The following XRCC6 variants were observed in gnomAD, a reference collection of about 807,000 sequenced individuals.
XRCC6 encodes DNA repair protein Ku70.
Under a neutral mutation model 65.7 loss-of-function variants are expected in XRCC6, and 5 were observed. The ratio of observed to expected loss-of-function variants is 0.08; its 90% CI spans 0.04 to 0.16. The LOEUF (loss-of-function observed/expected upper bound fraction) is 0.16. XRCC6 is among the 10% of genes least tolerant of loss of function. XRCC6 has a pLI of 1.00. For missense variants in XRCC6, 447 were observed against 738.1 expected, an observed-to-expected ratio of 0.61 and a Z score of 4.57; for synonymous variants, 270 against 270.6, an observed-to-expected ratio of 1.00 and a Z score of 0.02.
intron 1 of XRCC6, 116 bp from the exon 2 acceptor site, chr22:41,621,874 C>A: frequency 1.1e-6 from 1 of 952,086 alleles, no homozygotes; most frequent in Non-Finnish European, 1.6e-6. Flanking sequence ...GCAGGATTTA[C>A]CGTCCACATT....
chr22:41,621,534 G>T (rs2067604146), intron 1 of XRCC6, 189 bp downstream of exon 1: 1 of 167,298 alleles, frequency 6.0e-6, no homozygotes, highest in Non-Finnish European at 1.3e-5. Context: ...GGCACCTCGC[G>T]TTTGAGGCCC....
At position 41,658,369 on chromosome 22, in the gene XRCC6, G is replaced by A. The variant is rs200180852; in HGVS notation, c.1522+17G>A. The A allele has an allele frequency of 2.5e-6, 4 of 1,612,312 alleles. No homozygotes were observed. Among genetic ancestry groups the A allele is most frequent in the Non-Finnish European group, 3.4e-6 (4 of 1,178,452 alleles). Reference sequence around the variant, plus strand: ...ACCTGACATGTAAGGAGGTTGAATAGAGTAGTTCTTTTCATGGGAGGCTTT... The same window carrying A: ...ACCTGACATGTAAGGAGGTTGAATAAAGTAGTTCTTTTCATGGGAGGCTTT... On this transcript the variant is annotated intron_variant, in intron 11 of 12. Coordinates refer to ENST00000360079, the MANE Select transcript of XRCC6 (RefSeq NM_001469.5).
At chr22:41,642,577 A>G (rs1217513927) in intron 6 of XRCC6, among the ~76,000 whole-genome samples, 2 of 152,130 alleles carry the variant, frequency 1.3e-5, no homozygotes, top group African/African-American at 2.4e-5. Flanking sequence ...TTCCACATAC[A>G]TTTTAGGATT....
intron 6 of XRCC6, 43 bp downstream of exon 6, chr22:41,637,834 T>TC: frequency 6.3e-7 from 1 of 1,585,674 alleles, no homozygotes. Context: ...TGCCCTTAAA[T>TC]CAGAAGCAGG....
intron 7 of XRCC6, among the ~76,000 whole-genome samples, chr22:41,647,743 T>C (rs905396488): frequency 2.0e-5 from 3 of 152,080 alleles, no homozygotes; most frequent in East Asian, 1.9e-4. Context: ...CGTTTTGTTT[T>C]GTTTTGTTTA....
intron 7 of XRCC6, among the ~76,000 whole-genome samples, chr22:41,650,061 C>G (rs1160655451): frequency 6.6e-6 from 1 of 151,648 alleles, no homozygotes; most frequent in Non-Finnish European, 1.5e-5. Flanking sequence ...TTTAAGCATG[C>G]TTTGTGTGTC....
At chr22:41,641,844 C>T (rs9619977) in intron 6 of XRCC6, among the ~76,000 whole-genome samples, 3 of 152,106 alleles carry the variant, frequency 2.0e-5, no homozygotes, top group African/African-American at 7.2e-5. Context: ...CCAGGTTAGA[C>T]TGCAATGGCG....
At chr22:41,630,860 T>G (rs1356735639) in intron 3 of XRCC6, among the ~76,000 whole-genome samples, 1 of 152,238 alleles carries the variant, frequency 6.6e-6, no homozygotes. Context: ...CCATGTCTAC[T>G]TTTTTCCACA....
chr22:41,654,434 A>C (rs951923339), intron 9 of XRCC6, among the ~76,000 whole-genome samples: 2 of 152,138 alleles, frequency 1.3e-5, no homozygotes, highest in African/African-American at 4.8e-5. Flanking sequence ...ACCTAATTTC[A>C]TCTTTCACAG....
At chr22:41,635,738 C>A (rs1162998690) in intron 3 of XRCC6, among the ~76,000 whole-genome samples, 1 of 151,522 alleles carries the variant, frequency 6.6e-6, no homozygotes, top group East Asian at 1.9e-4. Flanking sequence ...GATGGAGTCT[C>A]ACTATGTTGC....
chr22:41,645,461 A>G (rs1377192593), intron 6 of XRCC6, among the ~76,000 whole-genome samples: 3 of 152,060 alleles, frequency 2.0e-5, no homozygotes, highest in Non-Finnish European at 4.4e-5. Context: ...CTCTGGAATC[A>G]CATCCTTTCA....
intron 6 of XRCC6, among the ~76,000 whole-genome samples, chr22:41,646,298 G>C (rs1366020211): frequency 6.6e-6 from 1 of 150,984 alleles, no homozygotes; most frequent in Non-Finnish European, 1.5e-5. Flanking sequence ...GTGAGACTCT[G>C]TCTCGAAAAA....
chr22:41,629,318 A>G (rs1424946781), intron 3 of XRCC6, among the ~76,000 whole-genome samples: 1 of 152,158 alleles, frequency 6.6e-6, no homozygotes, highest in Admixed American at 6.5e-5. Flanking sequence ...ATCTTATTCC[A>G]AAACATTTTG....
intron 8 of XRCC6, among the ~76,000 whole-genome samples, chr22:41,651,959 T>C: frequency 6.6e-6 from 1 of 151,942 alleles, no homozygotes; most frequent in East Asian, 1.9e-4. Flanking sequence ...AAATTCTGTA[T>C]TTTTAGTAGA....
chr22:41,630,992 G>C (rs2067737582), intron 3 of XRCC6, among the ~76,000 whole-genome samples: 1 of 152,196 alleles, frequency 6.6e-6, no homozygotes, highest in Non-Finnish European at 1.5e-5. Flanking sequence ...CCTCCCAGAC[G>C]GGGTGGTGGC....
chr22:41,622,998 A>G (rs1037970918), intron 2 of XRCC6, among the ~76,000 whole-genome samples: 4 of 152,078 alleles, frequency 2.6e-5, no homozygotes, highest in Non-Finnish European at 5.9e-5. Flanking sequence ...AAAATTTGCT[A>G]TAATCTACCA....
chr22:41,655,787 C>T (rs948327027), intron 9 of XRCC6, among the ~76,000 whole-genome samples: 2 of 151,516 alleles, frequency 1.3e-5, no homozygotes, highest in Admixed American at 1.3e-4. Context: ...TGGTCTCGAA[C>T]TCCTGAGCTC....
At chr22:41,639,663 C>CTTTTTTTTT (rs2067852782) in intron 6 of XRCC6, among the ~76,000 whole-genome samples, 4 of 29,824 alleles carry the variant, frequency 1.3e-4, no homozygotes, top group Non-Finnish European at 2.7e-4. Context: ...CCTAGATTCT[C>CTTTTTTTTT]TCTCTTTTTT....
At chr22:41,655,860 G>A (rs1051615675) in intron 9 of XRCC6, among the ~76,000 whole-genome samples, 5 of 151,584 alleles carry the variant, frequency 3.3e-5, no homozygotes, top group African/African-American at 9.7e-5. Flanking sequence ...CACCATGTCC[G>A]GCCCAAGCTA....
Sources: gnomAD v4.1 joint callset for allele counts (sites outside exome capture counted in the v4.1 genomes callset) on GRCh38, gnomAD v4.1.1 for gene constraint, MANE v1.5 for transcripts, NCBI Gene and HGNC (gene_info 2026-07-23, HGNC 2026-07-21) for gene names.